The following BAALC variants were observed in gnomAD, a reference collection of about 807,000 sequenced individuals.
BAALC encodes BAALC binder of MAP3K1 and KLF4, also known as brain and acute leukemia cytoplasmic protein.
In BAALC, 9 loss-of-function variants were observed where a neutral mutation model predicts 15.5. That is an observed-to-expected ratio of 0.58 (90% CI 0.35 to 1.02). The LOEUF is 1.02. Among genes scored for constraint, BAALC ranks in the 50% least tolerant of loss-of-function variants. The pLI, the probability that BAALC is intolerant of heterozygous loss-of-function variation, is 0.02. For synonymous variants in BAALC, 80 were observed against 74.6 expected (o/e 1.07, Z -0.37); for missense variants, 201 against 192.4 (o/e 1.04, Z -0.27).
intron 1 of BAALC, among the ~76,000 whole-genome samples, chr8:103,144,690 T>C (rs1810844759): frequency 6.6e-6 from 1 of 152,206 alleles, no homozygotes; most frequent in South Asian, 2.1e-4. Flanking sequence ...GAGAAAACAT[T>C]TCAAAACTTT....
At chr8:103,142,433 A>G (rs1810798255) in intron 1 of BAALC, among the ~76,000 whole-genome samples, 1 of 152,218 alleles carries the variant, frequency 6.6e-6, no homozygotes, top group African/African-American at 2.4e-5. Context: ...CAAGTCACCA[A>G]ATGGTGTGTT....
intron 1 of BAALC, among the ~76,000 whole-genome samples, chr8:103,197,373 T>C (rs1314441661): frequency 6.6e-6 from 1 of 152,096 alleles, no homozygotes; most frequent in Non-Finnish European, 1.5e-5. Flanking sequence ...GATCATAACA[T>C]CTACCTACAA....
At chr8:103,176,134 G>A (rs1563643835) in intron 1 of BAALC, among the ~76,000 whole-genome samples, 1 of 152,174 alleles carries the variant, frequency 6.6e-6, no homozygotes, top group South Asian at 2.1e-4. Context: ...GAGTGTGTGT[G>A]CACGCTGATC....
intron 2 of BAALC, among the ~76,000 whole-genome samples, chr8:103,218,887 C>T (rs1251868619): frequency 6.6e-6 from 1 of 152,126 alleles, no homozygotes; most frequent in Non-Finnish European, 1.5e-5. Flanking sequence ...GATAGGAGAC[C>T]TGATCAAGAC....
intron 1 of BAALC, among the ~76,000 whole-genome samples, chr8:103,151,187 T>C (rs1456429196): frequency 3.9e-5 from 6 of 151,948 alleles, no homozygotes; most frequent in Non-Finnish European, 1.5e-5. Flanking sequence ...CCGGCTAATT[T>C]TTTGTATTTT....
At chr8:103,194,336 A>G (rs1812042704) in intron 1 of BAALC, among the ~76,000 whole-genome samples, 1 of 152,242 alleles carries the variant, frequency 6.6e-6, no homozygotes, top group Admixed American at 6.5e-5. Context: ...TAGGGAAAGT[A>G]GAGAGACATT....
intron 2 of BAALC, among the ~76,000 whole-genome samples, chr8:103,224,882 G>A (rs1455158426): frequency 2.0e-5 from 3 of 152,188 alleles, no homozygotes; most frequent in Admixed American, 6.5e-5. Context: ...CCCATCTGAT[G>A]AGAATTTATG....
chr8:103,220,089 G>GT (rs1812644623), intron 2 of BAALC, among the ~76,000 whole-genome samples: 1 of 152,150 alleles, frequency 6.6e-6, no homozygotes, highest in Non-Finnish European at 1.5e-5. Context: ...TCAAACCCAG[G>GT]TCTGTCTCCA....
At position 103,222,088 on chromosome 8, in the gene BAALC, C is replaced by T. The variant is rs1016025414; in HGVS notation, c.328-5901C>T. 9.9e-5 allele frequency among the ~76,000 whole-genome samples: 15 copies of T among 152,106 alleles called. 1 individual carries two copies. The highest frequency in any genetic ancestry group is 1.3e-4 in the Admixed American group (2 of 15,270). On this transcript the variant is annotated intron_variant, in intron 2 of 2. Coordinates refer to ENST00000309982, the MANE Select transcript of BAALC (RefSeq NM_024812.3). ...TTAAACATTTTCTGGTTGAGTTTGT[C>T]TAAAGACCTGGGATCTGCAGAAAGG...
At chr8:103,195,618 A>G (rs1427868476) in intron 1 of BAALC, among the ~76,000 whole-genome samples, 1 of 152,128 alleles carries the variant, frequency 6.6e-6, no homozygotes, top group African/African-American at 2.4e-5. Flanking sequence ...TTCACTGTTT[A>G]TGCGAGCTGT....
intron 1 of BAALC, among the ~76,000 whole-genome samples, chr8:103,168,670 G>A (rs1811406394): frequency 6.6e-6 from 1 of 151,902 alleles, no homozygotes; most frequent in South Asian, 2.1e-4. Context: ...GTCTGGGCTG[G>A]TTGCTGTCCA....
At chr8:103,170,072 G>A (rs899160189) in intron 1 of BAALC, among the ~76,000 whole-genome samples, 2 of 152,052 alleles carry the variant, frequency 1.3e-5, no homozygotes, top group African/African-American at 4.8e-5. Flanking sequence ...CTCCTTCCCA[G>A]CTTCCAAAAT....
intron 1 of BAALC, among the ~76,000 whole-genome samples, chr8:103,173,340 C>G (rs1030187300): frequency 2.0e-5 from 3 of 152,168 alleles, no homozygotes; most frequent in Non-Finnish European, 4.4e-5. Context: ...ATCCGTGATG[C>G]CATTTTGCCA....
chr8:103,141,082 C>T, intron 1 of BAALC, 25 bp downstream of exon 1: 2 of 1,413,602 alleles, frequency 1.4e-6, no homozygotes, highest in Non-Finnish European at 1.8e-6. Flanking sequence ...CCCTGCAGAC[C>T]CTCGCCCGCC....
At chr8:103,196,419 TACGGGC>T in intron 1 of BAALC, among the ~76,000 whole-genome samples, 1 of 152,252 alleles carries the variant, frequency 6.6e-6, no homozygotes, top group Admixed American at 6.5e-5. Context: ...TAGCTGGGAC[TACGGGC>T]ATGCACCACC....
intron 1 of BAALC, among the ~76,000 whole-genome samples, chr8:103,204,981 AC>A (rs370240488): frequency 6.6e-6 from 1 of 152,332 alleles, no homozygotes; most frequent in African/African-American, 2.4e-5. Context: ...GAGAGCCCAG[AC>A]AGTGTTTGAT....
intron 1 of BAALC, chr8:103,183,338 G>C: frequency 1.4e-6 from 1 of 702,940 alleles, no homozygotes; most frequent in Non-Finnish European, 2.6e-6. Flanking sequence ...CACTTCCACT[G>C]TTCTTATTTT....
chr8:103,158,799 T>C (rs1330696036), intron 1 of BAALC, among the ~76,000 whole-genome samples: 1 of 152,212 alleles, frequency 6.6e-6, no homozygotes, highest in African/African-American at 2.4e-5. Flanking sequence ...AAGAATTGTT[T>C]ATTTCTGGAA....
chr8:103,145,196 A>G (rs1320305426), intron 1 of BAALC, among the ~76,000 whole-genome samples: 1 of 152,224 alleles, frequency 6.6e-6, no homozygotes, highest in Admixed American at 6.5e-5. Flanking sequence ...CTAAGGATGG[A>G]ATATCTTTTC....
Sources: gnomAD v4.1 joint callset for allele counts (sites outside exome capture counted in the v4.1 genomes callset) on GRCh38, gnomAD v4.1.1 for gene constraint, MANE v1.5 for transcripts, NCBI Gene and HGNC (gene_info 2026-07-23, HGNC 2026-07-21) for gene names.